PPFIBP2: variants seen among roughly 807,000 people sequenced by gnomAD.
The protein encoded by PPFIBP2 is liprin-beta-2.
In PPFIBP2, 118 loss-of-function variants were observed where a neutral mutation model predicts 118.3. The ratio of observed to expected loss-of-function variants is 1.00; its 90% CI spans 0.86 to 1.16. The LOEUF (loss-of-function observed/expected upper bound fraction) is 1.16, where lower values mean the gene tolerates loss of function less well. Among genes scored for constraint, PPFIBP2 ranks in the 50% most tolerant of loss-of-function variants. The pLI is 0.00. For synonymous variants in PPFIBP2, 414 were observed against 397.4 expected, an observed-to-expected ratio of 1.04 and a Z score of -0.50; for missense variants, 1,195 against 1,073.1, an observed-to-expected ratio of 1.11 and a Z score of -1.59.
At chr11:7,609,401 G>C (rs1038900435) in intron 5 of PPFIBP2, among the ~76,000 whole-genome samples, 1 of 152,132 alleles carries the variant, frequency 6.6e-6, no homozygotes, top group Admixed American at 6.5e-5. Context: ...CCGGGATTTT[G>C]GACCTCATAG....
chr11:7,641,872 A>G, intron 16 of PPFIBP2: 2 of 523,920 alleles, frequency 3.8e-6, no homozygotes. Context: ...ACACACCCTG[A>G]ACATAATCTC....
chr11:7,636,213 C>G (rs1851427727), intron 14 of PPFIBP2, among the ~76,000 whole-genome samples: 1 of 152,176 alleles, frequency 6.6e-6, no homozygotes, highest in Non-Finnish European at 1.5e-5. Flanking sequence ...TGTCCCCTGC[C>G]TCCATGTCCA....
chr11:7,603,037 A>G (rs1277980086), intron 5 of PPFIBP2, among the ~76,000 whole-genome samples: 2 of 152,356 alleles, frequency 1.3e-5, no homozygotes, highest in African/African-American at 2.4e-5. Context: ...CCTAAGACAC[A>G]GGCCTAGTAG....
Position 7,621,047 on chromosome 11 carries a change from C to A in PPFIBP2, c.711+20C>A, listed in dbSNP as rs1565072579. 2 of 1,554,996 alleles carry A rather than the reference C, an allele frequency of 1.3e-6. No homozygotes were observed. The highest frequency in any genetic ancestry group is 1.1e-5 in the South Asian group (1 of 89,844). On this transcript the variant is annotated intron_variant, in intron 7 of 23. Coordinates refer to ENST00000299492, the MANE Select transcript of PPFIBP2 (RefSeq NM_003621.5). Reference sequence around the variant, plus strand: ...ACTAAGGTAAACGGCACTCCTGATGCTTATGGAGAGAGTATGAGGGCCTTG... The same window carrying A: ...ACTAAGGTAAACGGCACTCCTGATGATTATGGAGAGAGTATGAGGGCCTTG...
chr11:7,628,054 C>G (rs1341235060), intron 8 of PPFIBP2, among the ~76,000 whole-genome samples: 1 of 152,098 alleles, frequency 6.6e-6, no homozygotes, highest in Non-Finnish European at 1.5e-5. Flanking sequence ...TTTGATTTTG[C>G]CCATAAATGT....
At chr11:7,536,261 G>A (rs765705866) in intron 1 of PPFIBP2, among the ~76,000 whole-genome samples, 11 of 152,104 alleles carry the variant, frequency 7.2e-5, no homozygotes, top group South Asian at 2.1e-4. Flanking sequence ...GAACACAAGC[G>A]GCTGGCTGGA....
chr11:7,642,296 A>G lies in PPFIBP2; in HGVS notation c.1518-2A>G, dbSNP rs759769689. 1.9e-6 allele frequency: 3 copies of G among 1,613,984 alleles called. No homozygotes were observed. Among genetic ancestry groups the G allele is most frequent in the South Asian group, 2.2e-5 (2 of 91,060 alleles). On this transcript the variant is annotated splice_acceptor_variant, in intron 16 of 23. Coordinates refer to ENST00000299492, the MANE Select transcript of PPFIBP2 (RefSeq NM_003621.5). LOFTEE classifies it high-confidence loss of function. ...CGTCTCCATGGATTCTTCTCCATGC[A>G]GAATCCGAAGAACTCAGTCAGGAAA...
intron 1 of PPFIBP2, among the ~76,000 whole-genome samples, chr11:7,517,171 T>C (rs537872780): frequency 1.3e-5 from 2 of 152,252 alleles, no homozygotes; most frequent in African/African-American, 2.4e-5. Flanking sequence ...GTGATGAAGA[T>C]TACTGTCCCT....
At chr11:7,628,837 A>G (rs1001971710) in intron 9 of PPFIBP2, among the ~76,000 whole-genome samples, 1 of 152,210 alleles carries the variant, frequency 6.6e-6, no homozygotes, top group Non-Finnish European at 1.5e-5. Flanking sequence ...TATAAACATC[A>G]TCTCTGAGGA....
intron 5 of PPFIBP2, chr11:7,605,992 T>C (rs780967225): frequency 2.6e-6 from 4 of 1,535,506 alleles, no homozygotes; most frequent in Non-Finnish European, 3.5e-6. Context: ...GTGGAAGCTA[T>C]TGAGGAGACG....
chr11:7,639,656 G>C, intron 14 of PPFIBP2, 76 bp from the exon 15 acceptor site: 1 of 1,591,844 alleles, frequency 6.3e-7, no homozygotes, highest in South Asian at 1.1e-5. Flanking sequence ...ACAGGGAGTT[G>C]TTCTGTATCC....
chr11:7,604,195 T>G (rs1387327081), intron 5 of PPFIBP2, among the ~76,000 whole-genome samples: 1 of 151,554 alleles, frequency 6.6e-6, no homozygotes, highest in Non-Finnish European at 1.5e-5. Flanking sequence ...GCAAAGAAAA[T>G]GGAGAAGAAA....
At chr11:7,623,777 G>A (rs945547625) in intron 7 of PPFIBP2, among the ~76,000 whole-genome samples, 2 of 152,240 alleles carry the variant, frequency 1.3e-5, no homozygotes, top group Non-Finnish European at 2.9e-5. Flanking sequence ...ATGGAGAGGT[G>A]CAAGAAAAGT....
Position 7,593,202 on chromosome 11 carries a change from A to T in PPFIBP2, c.350A>T (p.Asp117Val). 6.2e-7 allele frequency: 1 copy of T among 1,614,004 alleles called. No homozygotes were observed. Residue 117 changes from aspartate (D) to valine (V), a missense_variant, in exon 4 of 24, where the codon GAT becomes GTT. Coordinates refer to ENST00000299492, the MANE Select transcript of PPFIBP2 (RefSeq NM_003621.5). ...GAACGCTTGGCACGTCTAGAAGGGG[A>T]TAAGGAGTCCCTCATATTGCAGGTG... Reference protein sequence around the residue: ...YQERLARLEGDKESLILQVSV... With the variant: ...YQERLARLEGVKESLILQVSV...
chr11:7,567,962 A>G (rs1044135850), intron 3 of PPFIBP2, among the ~76,000 whole-genome samples: 1 of 152,208 alleles, frequency 6.6e-6, no homozygotes, highest in East Asian at 1.9e-4. Flanking sequence ...TTAAAGTCCC[A>G]TGTGGGTTAG....
intron 3 of PPFIBP2, among the ~76,000 whole-genome samples, chr11:7,585,239 A>G (rs1419370753): frequency 6.6e-6 from 1 of 152,244 alleles, no homozygotes; most frequent in Non-Finnish European, 1.5e-5. Flanking sequence ...AACTATTGAT[A>G]TCAAAAAAAG....
intron 1 of PPFIBP2, among the ~76,000 whole-genome samples, chr11:7,535,573 T>C (rs1564946884): frequency 6.6e-6 from 1 of 152,192 alleles, no homozygotes; most frequent in African/African-American, 2.4e-5. Flanking sequence ...ATAATAGTTA[T>C]AAATATTGAG....
chr11:7,615,335 CAA>C (rs35137869), intron 6 of PPFIBP2, among the ~76,000 whole-genome samples: 18,960 of 99,026 alleles, frequency 0.19, 1,515 homozygotes, highest in African/African-American at 0.31. Flanking sequence ...GACTCCGTCT[CAA>C]AAAAAAAAAA....
intron 7 of PPFIBP2, among the ~76,000 whole-genome samples, chr11:7,625,544 A>G (rs1248249333): frequency 6.6e-6 from 1 of 152,250 alleles, no homozygotes; most frequent in African/African-American, 2.4e-5. Flanking sequence ...ATGCAGGGGA[A>G]GAAGCACATT....
Sources: gnomAD v4.1 joint callset for allele counts (sites outside exome capture counted in the v4.1 genomes callset) on GRCh38, gnomAD v4.1.1 for gene constraint, MANE v1.5 for transcripts, NCBI Gene and HGNC (gene_info 2026-07-23, HGNC 2026-07-21) for gene names.